Variants in MAPKAPK2 observed in about 807,000 individuals in gnomAD.
MAPKAPK2 encodes MAP kinase-activated protein kinase 2.
In MAPKAPK2, 9 loss-of-function variants were observed where a neutral mutation model predicts 48.8. The ratio of observed to expected loss-of-function variants is 0.18; its 90% CI spans 0.11 to 0.32. The LOEUF is 0.32. MAPKAPK2 is among the 10% of genes least tolerant of loss of function. The pLI is 1.00. For synonymous variants in MAPKAPK2, 202 were observed against 190.6 expected, an observed-to-expected ratio of 1.06 and a Z score of -0.49; for missense variants, 331 against 498.3, an observed-to-expected ratio of 0.66 and a Z score of 3.20.
rs1477176451 is a variant in MAPKAPK2, at chr1:206,685,125, G to C, written c.-105G>C. On this transcript the variant is annotated 5_prime_UTR_variant, in exon 1 of 10. Transcript: ENST00000367103. ...GGTCGGGGAAGCCGGCTCCAGCCCG[G>C]AGCGAACTTCGCAGCCCGTCGGGGG... The C allele has an allele frequency of 4.7e-6, 1 of 214,222 alleles. No individual in the cohort carries two copies. The highest frequency in any genetic ancestry group is 2.4e-5 in the African/African-American group (1 of 42,344). The allele number at this position is 214,222 out of a possible 1,614,324, so 13.3% of individuals were successfully genotyped here.
chr1:206,722,591 G>A (rs1243079540), intron 1 of MAPKAPK2, among the ~76,000 whole-genome samples: 1 of 152,212 alleles, frequency 6.6e-6, no homozygotes, highest in African/African-American at 2.4e-5. Flanking sequence ...GGAAGAGGAG[G>A]AGGAAGAGGA....
chr1:206,705,271 G>T (rs1672919885), intron 1 of MAPKAPK2, among the ~76,000 whole-genome samples: 1 of 152,192 alleles, frequency 6.6e-6, no homozygotes, highest in African/African-American at 2.4e-5. Flanking sequence ...GCCCCGGCAG[G>T]TGGCTTCTAT....
intron 1 of MAPKAPK2, among the ~76,000 whole-genome samples, chr1:206,697,428 G>T (rs1175983478): frequency 1.3e-5 from 2 of 152,116 alleles, no homozygotes; most frequent in Non-Finnish European, 2.9e-5. Context: ...GCTGTACAAG[G>T]ATCATGGCAC....
chr1:206,711,201 C>G (rs1049774914), intron 1 of MAPKAPK2, among the ~76,000 whole-genome samples: 14 of 152,308 alleles, frequency 9.2e-5, no homozygotes, highest in Middle Eastern at 3.4e-3. Flanking sequence ...TGGGATCAGA[C>G]TATATGTATC....
chr1:206,722,020 G>A lies in MAPKAPK2; in HGVS notation c.280-6690G>A, dbSNP rs1455118980. Among the ~76,000 whole-genome samples, 3 of 150,702 alleles carry A rather than the reference G, an allele frequency of 2.0e-5. 1 individual carries two copies. The highest frequency in any genetic ancestry group is 4.2e-4 in the South Asian group (2 of 4,762). ...GTGGAGGTTGCGGTGAGCCGAGATC[G>A]CACCATTGCACTCCAGCCTGGGTAA... On this transcript the variant is annotated intron_variant, in intron 1 of 9. Transcript: ENST00000367103.
At chr1:206,700,512 G>C (rs947338485) in intron 1 of MAPKAPK2, among the ~76,000 whole-genome samples, 5 of 152,144 alleles carry the variant, frequency 3.3e-5, no homozygotes, top group Non-Finnish European at 5.9e-5. Flanking sequence ...CAAGGCAGAT[G>C]CTGGGAAAAA....
In MAPKAPK2 at chr1:206,685,250, C is replaced by A; in HGVS notation, c.21C>A (p.Gly7=). The change falls in exon 1 of 10, where the codon GGC becomes GGA. Residue 7 remains glycine, a synonymous_variant. Coordinates refer to ENST00000367103, the MANE Select transcript of MAPKAPK2 (RefSeq NM_032960.4). MLSNSQ[G]QSPPVPFPAP... is the part of the protein sequence containing the mutation. Reference sequence around the variant, plus strand: ...GCACCATGCTGTCCAACTCCCAGGGCCAGAGCCCGCCGGTGCCGTTCCCCG... The same window carrying A: ...GCACCATGCTGTCCAACTCCCAGGGACAGAGCCCGCCGGTGCCGTTCCCCG... The A allele has an allele frequency of 3.2e-6, 2 of 624,842 alleles. No individual in the cohort carries two copies. Among genetic ancestry groups the A allele is most frequent in the Non-Finnish European group, 4.7e-6 (2 of 423,712 alleles). 38.7% of individuals were successfully genotyped at this position (624,842 alleles called of 1,614,324 possible).
intron 1 of MAPKAPK2, among the ~76,000 whole-genome samples, chr1:206,691,964 C>T (rs1262329842): frequency 2.6e-5 from 4 of 152,302 alleles, no homozygotes; most frequent in Non-Finnish European, 4.4e-5. Context: ...GGATAGACTA[C>T]GTAATTTAGC....
intron 1 of MAPKAPK2, among the ~76,000 whole-genome samples, chr1:206,697,222 A>T (rs1247726870): frequency 6.6e-6 from 1 of 152,130 alleles, no homozygotes; most frequent in Non-Finnish European, 1.5e-5. Context: ...AGCTCCTGGC[A>T]TTTTCTAGTT....
Position 206,685,356 on chromosome 1 carries a change from T to A in MAPKAPK2, c.127T>A (p.Phe43Ile). The change falls in exon 1 of 10, where the codon TTC (phenylalanine) becomes ATC (isoleucine). Residue 43 changes from phenylalanine to isoleucine, a missense_variant. By Grantham distance (21) the Phe-to-Ile change is conservative. This residue lies in a region of MAPKAPK2 where 93 missense variants were observed against 81.0 expected (regional missense o/e 1.15). Coordinates refer to ENST00000367103, the MANE Select transcript of MAPKAPK2 (RefSeq NM_032960.4). ...GCCGCCGCCGCCGCCCCCGCAGCAG[T>A]TCCCGCAGTTCCACGTCAAGTCCGG... The part of the protein sequence containing the change: ...AQPPPPPPQQ[F>I]PQFHVKSGLQ... The A allele has an allele frequency of 7.0e-7, 1 of 1,423,370 alleles. No individual in the cohort carries two copies. Among genetic ancestry groups the A allele is most frequent in the Non-Finnish European group, 9.4e-7 (1 of 1,068,688 alleles). 88.2% of individuals were successfully genotyped at this position (1,423,370 alleles called of 1,614,324 possible).
Position 206,728,119 on chromosome 1 carries a change from C to T in MAPKAPK2, c.280-591C>T, listed in dbSNP as rs552521628. On this transcript the variant is annotated intron_variant, in intron 1 of 9. Transcript: ENST00000367103. Reference sequence around the variant, plus strand: ...AAGAAGGGGCATCAGTGAGGTTCGACGAGTTAAGTAACTTGCTCAAGCTTG... The same window carrying T: ...AAGAAGGGGCATCAGTGAGGTTCGATGAGTTAAGTAACTTGCTCAAGCTTG... Among the ~76,000 whole-genome samples the T allele has an allele frequency of 2.2e-4, 33 of 152,240 alleles. 1 individual carries two copies. In the South Asian group the frequency reaches 4.6e-3, roughly 21 times the overall value.
intron 5 of MAPKAPK2, 48 bp from the exon 6 acceptor site, chr1:206,730,640 C>T: frequency 6.7e-7 from 1 of 1,496,102 alleles, no homozygotes; most frequent in Non-Finnish European, 9.3e-7. Flanking sequence ...CTGAGTGGAT[C>T]ACAGGGTTCT....
chr1:206,729,336 A>G, intron 3 of MAPKAPK2, 60 bp from the exon 4 acceptor site: 2 of 1,435,470 alleles, frequency 1.4e-6, no homozygotes, highest in Non-Finnish European at 9.8e-7. Context: ...CTGGGTTTTC[A>G]AGCCTAATGA....
At chr1:206,722,739 C>T (rs1230585700) in intron 1 of MAPKAPK2, among the ~76,000 whole-genome samples, 1 of 152,240 alleles carries the variant, frequency 6.6e-6, no homozygotes, top group Non-Finnish European at 1.5e-5. Flanking sequence ...TGCCAGCCCC[C>T]CTCGGCCTGC....
intron 1 of MAPKAPK2, among the ~76,000 whole-genome samples, chr1:206,712,072 G>T (rs184616487): frequency 6.6e-6 from 1 of 152,310 alleles, no homozygotes; most frequent in African/African-American, 2.4e-5. Flanking sequence ...ACTGGCTAAG[G>T]TCAGGCAGCT....
At chr1:206,689,684 G>A (rs1672394953) in intron 1 of MAPKAPK2, among the ~76,000 whole-genome samples, 1 of 152,168 alleles carries the variant, frequency 6.6e-6, no homozygotes, top group South Asian at 2.1e-4. Flanking sequence ...GGCTAGGGCT[G>A]CACTGTCCAA....
chr1:206,718,601 A>G (rs572976730), intron 1 of MAPKAPK2, among the ~76,000 whole-genome samples: 35 of 151,374 alleles, frequency 2.3e-4, no homozygotes, highest in Non-Finnish European at 4.3e-4. Context: ...CTTGGTCCTT[A>G]TCTGCTTTCC....
At position 206,732,350 on chromosome 1, in the gene MAPKAPK2, G is replaced by C; in HGVS notation, c.1060-225G>C. Reference sequence around the variant, plus strand: ...CTGCGGGATCACTGGGGGGCTCTCAGGGAACAGCAGCAGTGCCATAGCCAG... The same window carrying C: ...CTGCGGGATCACTGGGGGGCTCTCACGGAACAGCAGCAGTGCCATAGCCAG... On this transcript the variant is annotated intron_variant, in intron 9 of 9. Coordinates refer to ENST00000367103, the MANE Select transcript of MAPKAPK2 (RefSeq NM_032960.4). This position sits in a 1 kb window ranked among gnomAD's most constrained non-coding sequence, Gnocchi z 4.4. The C allele has an allele frequency of 6.9e-7, 1 of 1,444,156 alleles. No individual in the cohort carries two copies. Among genetic ancestry groups the C allele is most frequent in the Non-Finnish European group, 9.1e-7 (1 of 1,101,982 alleles). 89.5% of individuals were successfully genotyped at this position (1,444,156 alleles called of 1,614,324 possible). A position where few individuals can be genotyped will look rare whatever the true frequency, so the allele number is the denominator to read the frequency against.
chr1:206,696,319 AGAT>A, intron 1 of MAPKAPK2: 1 of 820,310 alleles, frequency 1.2e-6, no homozygotes. Context: ...GCACCTCTTT[AGAT>A]ATCGGATTGG....
Sources: gnomAD v4.1 joint callset for allele counts (sites outside exome capture counted in the v4.1 genomes callset) on GRCh38, gnomAD v4.1.1 for gene constraint, gnomAD v4.1.1 regional missense constraint, Gnocchi (gnomAD v3.1) non-coding constraint, MANE v1.5 for transcripts, NCBI Gene and HGNC (gene_info 2026-07-23, HGNC 2026-07-21) for gene names.